Variants in POLA1 observed in about 807,000 individuals in gnomAD.
POLA1 encodes DNA polymerase alpha 1, catalytic subunit, also known as DNA polymerase alpha catalytic subunit.
Under a neutral mutation model 124.0 loss-of-function variants are expected in POLA1, and 15 were observed. The ratio of observed to expected loss-of-function variants is 0.12; its 90% CI spans 0.08 to 0.19. The LOEUF is 0.19. Among genes scored for constraint, POLA1 ranks in the 10% least tolerant of loss-of-function variants. The pLI is 1.00. For synonymous variants in POLA1, 408 were observed against 389.4 expected, an observed-to-expected ratio of 1.05 and a Z score of -0.56; for missense variants, 886 against 1,103.4, an observed-to-expected ratio of 0.80 and a Z score of 2.79.
At chrX:24,925,920 C>T (rs2047683950) in intron 35 of POLA1, among the ~76,000 whole-genome samples, 1 of 111,191 alleles carries the variant, frequency 9.0e-6, no homozygotes, top group African/African-American at 3.3e-5. Context: ...GTGACTGCTA[C>T]ACAGGACAAC....
At chrX:24,779,267 C>T (rs1194790066) in intron 26 of POLA1, among the ~76,000 whole-genome samples, 2 of 110,884 alleles carry the variant, frequency 1.8e-5, no homozygotes, top group Non-Finnish European at 3.8e-5. Flanking sequence ...TTAGTAGAGA[C>T]GGGGTTTCAC....
At chrX:24,959,038 AT>A (rs770656044) in intron 36 of POLA1, among the ~76,000 whole-genome samples, 1 of 111,701 alleles carries the variant, frequency 9.0e-6, no homozygotes, top group South Asian at 3.8e-4. Flanking sequence ...AAGTCATTGT[AT>A]TCCTTGTTCC....
chrX:24,914,601 A>G (rs1051249234), intron 35 of POLA1, among the ~76,000 whole-genome samples: 1 of 110,776 alleles, frequency 9.0e-6, no homozygotes, highest in African/African-American at 3.3e-5. Flanking sequence ...CAGGCCACTC[A>G]TGCAAGTTCT....
intron 35 of POLA1, among the ~76,000 whole-genome samples, chrX:24,917,685 TAGAG>T (rs2047554325): frequency 9.0e-6 from 1 of 111,685 alleles, no homozygotes; most frequent in Non-Finnish European, 1.9e-5. Flanking sequence ...CTGGTTAGGA[TAGAG>T]AGTCTGTGTC....
In POLA1 at chrX:24,727,893, T is replaced by C; in HGVS notation, c.1643T>C (p.Phe548Ser). Residue 548 changes from phenylalanine (F) to serine (S), a missense_variant, in exon 15 of 37, where the codon TTC becomes TCC. Phe to Ser is a radical substitution (Grantham distance 155, BLOSUM62 -2). This residue lies in a region of POLA1 where 337 missense variants were observed against 402.8 expected (regional missense o/e 0.84). Transcript: ENST00000379068. ...CCACCACCGCTTGTCGTGATGGCTT[T>C]CAGCATGAAGACAATGCAGAATGCA... ...VSPPPLVVMA[F>S]SMKTMQNAKN... 8.3e-7 allele frequency: 1 copy of C among 1,210,802 alleles called. No individual in the cohort carries two copies. Among genetic ancestry groups the C allele is most frequent in the Non-Finnish European group, 1.1e-6 (1 of 894,461 alleles).
chrX:24,919,090 A>G (rs996019706), intron 35 of POLA1, among the ~76,000 whole-genome samples: 2 of 112,087 alleles, frequency 1.8e-5, no homozygotes, highest in African/African-American at 6.5e-5. Flanking sequence ...ATTAAGAAGT[A>G]GAGCCAGGAT....
chrX:24,993,207 T>C (rs769849206), intron 36 of POLA1, among the ~76,000 whole-genome samples: 3 of 112,471 alleles, frequency 2.7e-5, no homozygotes, highest in South Asian at 7.5e-4. Flanking sequence ...TTCAAGCCAT[T>C]AGAGTATATT....
At chrX:24,937,023 T>C (rs777927728) in intron 36 of POLA1, among the ~76,000 whole-genome samples, 1 of 112,270 alleles carries the variant, frequency 8.9e-6, no homozygotes, top group South Asian at 3.7e-4. Flanking sequence ...GTAAACTGCA[T>C]TTTTAATTTC....
chrX:24,695,853 C>G (rs1927954821), intron 1 of POLA1, among the ~76,000 whole-genome samples: 1 of 112,544 alleles, frequency 8.9e-6, no homozygotes, highest in Admixed American at 9.4e-5. Context: ...TTATTATATA[C>G]CTACTAGGTA....
At chrX:24,894,912 T>G (rs1473650730) in intron 35 of POLA1, among the ~76,000 whole-genome samples, 2 of 110,063 alleles carry the variant, frequency 1.8e-5, no homozygotes, top group African/African-American at 6.6e-5. Flanking sequence ...TATCTGGGAT[T>G]ACAGGCATGT....
chrX:24,749,398 CAG>C (rs1164400266), intron 26 of POLA1, among the ~76,000 whole-genome samples: 1 of 111,687 alleles, frequency 9.0e-6, no homozygotes, highest in Admixed American at 9.5e-5. Context: ...TAAGAAATAA[CAG>C]AAAATATGAT....
rs965062778 is a variant in POLA1 at position 24,716,414 on chromosome X, T to C, written c.578T>C (p.Ile193Thr). ...PVMILKKKRS[I>T]GASPNPFSVH... ...ATGATACTGAAGAAGAAAAGATCCATTGGAGCTTCACCGAATCCTTTCTCT... is the reference window on the plus strand; with the variant it reads ...ATGATACTGAAGAAGAAAAGATCCACTGGAGCTTCACCGAATCCTTTCTCT... Residue 193 changes from isoleucine to threonine, a missense_variant, in exon 7 of 37, where the codon ATT becomes ACT. Physicochemically the swap from Ile to Thr is moderately conservative, Grantham distance 89 (BLOSUM62 -1). Coordinates refer to ENST00000379068, the MANE Select transcript of POLA1 (RefSeq NM_001330360.2). 8.4e-7 allele frequency: 1 copy of C among 1,183,869 alleles called. No individual in the cohort carries two copies. Among genetic ancestry groups the C allele is most frequent in the East Asian group, 3.0e-5 (1 of 33,701 alleles).
chrX:24,801,864 A>G (rs1293911961), intron 26 of POLA1, among the ~76,000 whole-genome samples: 1 of 107,402 alleles, frequency 9.3e-6, no homozygotes, highest in Non-Finnish European at 1.9e-5. Flanking sequence ...TTAGGCTTTG[A>G]ACCCAGGTAG....
chrX:24,909,717 A>ACG (rs2047419396), intron 35 of POLA1, among the ~76,000 whole-genome samples: 1 of 111,444 alleles, frequency 9.0e-6, no homozygotes. Flanking sequence ...TTGGCAGTGC[A>ACG]GGCTCTTTTT....
chrX:24,709,989 G>T (rs1321911313), intron 4 of POLA1, among the ~76,000 whole-genome samples: 1 of 93,973 alleles, frequency 1.1e-5, no homozygotes, highest in East Asian at 3.4e-4. Flanking sequence ...AGACGGGGTG[G>T]CGGCCGGGCA....
intron 32 of POLA1, among the ~76,000 whole-genome samples, chrX:24,830,601 C>G (rs938946535): frequency 9.0e-6 from 1 of 111,616 alleles, no homozygotes. Context: ...TACAATAGCC[C>G]TATGGGAAAC....
intron 35 of POLA1, among the ~76,000 whole-genome samples, chrX:24,909,937 G>A (rs1257549058): frequency 1.8e-5 from 2 of 110,469 alleles, no homozygotes; most frequent in African/African-American, 3.3e-5. Context: ...AGTTCTCCTT[G>A]AAGAGGTCCT....
intron 20 of POLA1, 136 bp from the exon 21 acceptor site, chrX:24,741,239 T>G (rs11573364): frequency 2.3e-6 from 1 of 432,462 alleles, no homozygotes; most frequent in Admixed American, 4.0e-5. Context: ...TATTTTAAAT[T>G]GTTTCTGAAG....
intron 26 of POLA1, among the ~76,000 whole-genome samples, chrX:24,761,130 GT>G (rs1932787119): frequency 1.8e-5 from 2 of 112,130 alleles, no homozygotes; most frequent in African/African-American, 6.5e-5. Context: ...TGGTTTCTGT[GT>G]CATCTTTGGA....
Sources: gnomAD v4.1 joint callset for allele counts (sites outside exome capture counted in the v4.1 genomes callset) on GRCh38, gnomAD v4.1.1 for gene constraint, gnomAD v4.1.1 regional missense constraint, MANE v1.5 for transcripts, NCBI Gene and HGNC (gene_info 2026-07-23, HGNC 2026-07-21) for gene names.